The following DLG2 variants were observed in gnomAD, a reference collection of about 807,000 sequenced individuals.
DLG2 encodes disks large homolog 2.
A neutral mutation model predicts 132.5 loss-of-function variants in DLG2; 45 were observed. The observed-to-expected ratio is 0.34, with a 90% CI of 0.27 to 0.44. The LOEUF is 0.44. DLG2 is among the 20% of genes least tolerant of loss of function. The pLI, the probability that DLG2 is intolerant of heterozygous loss-of-function variation, is 1.00. For synonymous variants in DLG2, 424 were observed against 419.6 expected (o/e 1.01, Z -0.13); for missense variants, 1,045 against 1,196.9 (o/e 0.87, Z 1.87).
At chr11:83,993,020 A>G (rs1303824267) in intron 11 of DLG2, among the ~76,000 whole-genome samples, 2 of 152,164 alleles carry the variant, frequency 1.3e-5, no homozygotes, top group African/African-American at 4.8e-5. Flanking sequence ...GAGACTGTAG[A>G]TTAATAATAG....
intron 19 of DLG2, among the ~76,000 whole-genome samples, chr11:83,570,924 C>A (rs549619299): frequency 2.0e-5 from 3 of 152,076 alleles, no homozygotes; most frequent in African/African-American, 7.2e-5. Flanking sequence ...CTCTTGTTGC[C>A]CAGGCTGGAG....
chr11:84,228,119 T>C (rs1158135563), intron 8 of DLG2, among the ~76,000 whole-genome samples: 3 of 152,152 alleles, frequency 2.0e-5, no homozygotes, highest in Non-Finnish European at 2.9e-5. Flanking sequence ...ACTGACATGA[T>C]GGACTCTCTT....
intron 3 of DLG2, among the ~76,000 whole-genome samples, chr11:85,465,368 A>C (rs1338315113): frequency 1.3e-5 from 2 of 151,882 alleles, no homozygotes; most frequent in Non-Finnish European, 2.9e-5. Context: ...CGTTTGTTAC[A>C]TATGTATACA....
chr11:85,022,716 T>G (rs1175344074), intron 6 of DLG2, among the ~76,000 whole-genome samples: 2 of 152,136 alleles, frequency 1.3e-5, no homozygotes, highest in African/African-American at 4.8e-5. Context: ...TCCTCATTAT[T>G]AATATTCACT....
intron 3 of DLG2, among the ~76,000 whole-genome samples, chr11:85,468,604 C>T (rs2092882161): frequency 6.6e-6 from 1 of 152,168 alleles, no homozygotes; most frequent in Admixed American, 6.5e-5. Flanking sequence ...TGTTCAGTTT[C>T]CATGTAGTTG....
chr11:84,560,501 T>G (rs947442716), intron 6 of DLG2, among the ~76,000 whole-genome samples: 6 of 152,112 alleles, frequency 3.9e-5, no homozygotes, highest in Non-Finnish European at 8.8e-5. Flanking sequence ...CTTTGGAAAG[T>G]AATGAATTCT....
chr11:83,935,823 C>T (rs1215271346), intron 14 of DLG2, among the ~76,000 whole-genome samples: 3 of 152,274 alleles, frequency 2.0e-5, no homozygotes, highest in Admixed American at 2.0e-4. Flanking sequence ...TAAGTACAAG[C>T]AAACCAAACT....
At chr11:84,566,068 C>T (rs1327213994) in intron 6 of DLG2, among the ~76,000 whole-genome samples, 2 of 151,058 alleles carry the variant, frequency 1.3e-5, no homozygotes, top group Non-Finnish European at 2.9e-5. Context: ...AAGAAATTCT[C>T]CTGCCTCAGC....
At chr11:84,824,673 G>T (rs1221712653) in intron 6 of DLG2, among the ~76,000 whole-genome samples, 1 of 151,884 alleles carries the variant, frequency 6.6e-6, no homozygotes, top group African/African-American at 2.4e-5. Context: ...GGCTCAGAAA[G>T]GTTTTGCATC....
At chr11:84,927,951 C>A (rs185617214) in intron 6 of DLG2, among the ~76,000 whole-genome samples, 1 of 151,848 alleles carries the variant, frequency 6.6e-6, no homozygotes, top group African/African-American at 2.4e-5. Context: ...TGTTAACAAG[C>A]CCTCCAGGTG....
At chr11:83,916,767 C>A (rs963027010) in intron 15 of DLG2, among the ~76,000 whole-genome samples, 2 of 152,132 alleles carry the variant, frequency 1.3e-5, no homozygotes, top group African/African-American at 2.4e-5. Flanking sequence ...TTCCTTCCTT[C>A]CGGTCTTGCT....
chr11:84,045,529 T>C (rs1465621196), intron 11 of DLG2, among the ~76,000 whole-genome samples: 1 of 151,728 alleles, frequency 6.6e-6, no homozygotes, highest in Non-Finnish European at 1.5e-5. Flanking sequence ...ATTCTTGACA[T>C]GAACCAACAA....
At chr11:84,275,002 T>C (rs952681380) in intron 7 of DLG2, among the ~76,000 whole-genome samples, 10 of 152,180 alleles carry the variant, frequency 6.6e-5, no homozygotes, top group African/African-American at 1.4e-4. Context: ...CACTAGTAAA[T>C]GTTCTGAATT....
At chr11:85,031,060 G>C (rs904014378) in intron 6 of DLG2, among the ~76,000 whole-genome samples, 1 of 151,826 alleles carries the variant, frequency 6.6e-6, no homozygotes, top group African/African-American at 2.4e-5. Context: ...TGATTTCAGA[G>C]TAATCTATGA....
chr11:85,367,891 CT>C (rs2152911693), intron 3 of DLG2, among the ~76,000 whole-genome samples: 1 of 152,116 alleles, frequency 6.6e-6, no homozygotes, highest in East Asian at 1.9e-4. Context: ...TTTCTTGGAA[CT>C]TTTTAATGTA....
chr11:84,757,283 G>A (rs573395027), intron 6 of DLG2, among the ~76,000 whole-genome samples: 3 of 151,424 alleles, frequency 2.0e-5, no homozygotes, highest in South Asian at 4.2e-4. Flanking sequence ...CCAAGTAAGT[G>A]TATATCTTTT....
chr11:84,960,272 C>G (rs1214815558), intron 6 of DLG2, among the ~76,000 whole-genome samples: 1 of 152,068 alleles, frequency 6.6e-6, no homozygotes, highest in Non-Finnish European at 1.5e-5. Flanking sequence ...ACGAATCATC[C>G]TGGTATACTC....
At chr11:85,089,621 T>C (rs2068453304) in intron 6 of DLG2, among the ~76,000 whole-genome samples, 1 of 152,192 alleles carries the variant, frequency 6.6e-6, no homozygotes, top group Non-Finnish European at 1.5e-5. Context: ...GGTAGAGCAA[T>C]TTGTTTTCCT....
chr11:84,593,480 T>G (rs2099549049), intron 6 of DLG2, among the ~76,000 whole-genome samples: 1 of 152,134 alleles, frequency 6.6e-6, no homozygotes, highest in Admixed American at 6.6e-5. Flanking sequence ...AGGATGAGTT[T>G]ATGTCCTTTG....
Sources: gnomAD v4.1 joint callset for allele counts (sites outside exome capture counted in the v4.1 genomes callset) on GRCh38, gnomAD v4.1.1 for gene constraint, MANE v1.5 for transcripts, NCBI Gene and HGNC (gene_info 2026-07-23, HGNC 2026-07-21) for gene names.